The following ABCG5 variants were observed in gnomAD, a reference collection of about 807,000 sequenced individuals.
The protein encoded by ABCG5 is ATP-binding cassette sub-family G member 5.
Under a neutral mutation model 64.5 loss-of-function variants are expected in ABCG5, and 64 were observed. The ratio of observed to expected loss-of-function variants is 0.99; its 90% CI spans 0.81 to 1.22. The LOEUF (loss-of-function observed/expected upper bound fraction) is 1.22, where lower values mean the gene tolerates loss of function less well. ABCG5 is among the 50% of genes most tolerant of loss of function. The pLI is 0.00. For synonymous variants in ABCG5, 385 were observed against 326.3 expected, an observed-to-expected ratio of 1.18 and a Z score of -1.94; for missense variants, 908 against 829.5, an observed-to-expected ratio of 1.09 and a Z score of -1.16.
chr2:43,835,330 C>T (rs1254944342), intron 2 of ABCG5, among the ~76,000 whole-genome samples: 1 of 152,048 alleles, frequency 6.6e-6, no homozygotes, highest in Non-Finnish European at 1.5e-5. Context: ...AGAAGTGGGA[C>T]ACACTTCTGA....
intron 2 of ABCG5, among the ~76,000 whole-genome samples, chr2:43,836,198 C>T (rs1261857855): frequency 7.9e-5 from 12 of 152,090 alleles, no homozygotes; most frequent in African/African-American, 2.9e-4. Flanking sequence ...GCCTCTGCCT[C>T]CCAAAGTGCT....
chr2:43,829,020 C>G (rs1206938450), intron 4 of ABCG5, among the ~76,000 whole-genome samples: 1 of 151,920 alleles, frequency 6.6e-6, no homozygotes, highest in East Asian at 1.9e-4. Flanking sequence ...TTCCCTAGAA[C>G]ACAAACTGCT....
At chr2:43,825,042 A>G in intron 6 of ABCG5, 24 bp from the exon 7 acceptor site, 1 of 1,612,446 alleles carries the variant, frequency 6.2e-7, no homozygotes, top group South Asian at 1.1e-5. Context: ...AGACGTAGTT[A>G]GTGTGTGATC....
At chr2:43,827,521 C>A (rs1324831321) in intron 5 of ABCG5, among the ~76,000 whole-genome samples, 1 of 152,096 alleles carries the variant, frequency 6.6e-6, no homozygotes, top group East Asian at 1.9e-4. Flanking sequence ...CCAAACCTGG[C>A]AGAGGACTGA....
downstream of ABCG5, chr2:43,810,283 C>G (rs1666437318): frequency 2.4e-6 from 2 of 839,556 alleles, no homozygotes; most frequent in South Asian, 1.1e-4. Context: ...TAGAGTGTCG[C>G]CATCAGTGGT....
chr2:43,817,865 G>A (rs1666944130), intron 11 of ABCG5, among the ~76,000 whole-genome samples: 2 of 151,996 alleles, frequency 1.3e-5, no homozygotes, highest in Admixed American at 6.6e-5. Context: ...AGCCGAGATC[G>A]CGCCACTGCA....
the ABCG5 span, among the ~76,000 whole-genome samples, chr2:43,806,556 T>C: frequency 1.3e-5 from 2 of 152,200 alleles, no homozygotes; most frequent in African/African-American, 2.4e-5. Context: ...GTAACCCTTA[T>C]TATGTTTGCA....
At chr2:43,807,829 G>C (rs1407385322), downstream of ABCG5, among the ~76,000 whole-genome samples, 2 of 148,356 alleles carry the variant, frequency 1.3e-5, no homozygotes, top group East Asian at 3.9e-4. Context: ...GTTATCTTCG[G>C]AAAACTTTAC....
chr2:43,838,876 T>C (rs1021084428), upstream of ABCG5: 6 of 1,196,848 alleles, frequency 5.0e-6, no homozygotes, highest in African/African-American at 9.1e-5. This position sits in a 1 kb window ranked among gnomAD's most constrained non-coding sequence, Gnocchi z 4.2. Flanking sequence ...ATCTTGACAG[T>C]GGGCAGAACA....
At chr2:43,835,025 C>A (rs561376752) in intron 2 of ABCG5, among the ~76,000 whole-genome samples, 3 of 152,274 alleles carry the variant, frequency 2.0e-5, no homozygotes, top group Admixed American at 1.3e-4. Context: ...ATTAAGCACC[C>A]ACTACGTGAC....
intron 10 of ABCG5, 113 bp downstream of exon 10, chr2:43,822,684 A>C (rs1425894810): frequency 6.4e-7 from 1 of 1,573,284 alleles, no homozygotes; most frequent in Non-Finnish European, 8.6e-7. Context: ...TGATGGGCAA[A>C]GTGTAGATCC....
rs543434050 is a variant in ABCG5, at chr2:43,818,260, A to G, written c.1649+1655T>C. ...TGAGGTCGAGACTAGCCTGGCCAAC[A>G]TGGCGAAACCCCATCTCTACTAAAA... is the stretch of plus-strand genomic sequence containing the variant. On this transcript the variant is annotated intron_variant, in intron 11 of 12. Coordinates refer to ENST00000405322, the MANE Select transcript of ABCG5 (RefSeq NM_022436.3). Among the ~76,000 whole-genome samples, 231 of 152,216 alleles carry G rather than the reference A, an allele frequency of 1.5e-3. 1 individual carries two copies. The highest frequency in any genetic ancestry group is 5.2e-3 in the African/African-American group (218 of 41,536).
At chr2:43,810,364 C>G (rs970580079), downstream of ABCG5, 21 of 985,232 alleles carry the variant, frequency 2.1e-5, no homozygotes, top group Non-Finnish European at 2.5e-5. Context: ...TTTTAAATAC[C>G]ACTTTTTGAA....
upstream of ABCG5, chr2:43,839,084 C>T (rs1016895349): frequency 2.6e-6 from 4 of 1,551,260 alleles, no homozygotes; most frequent in Admixed American, 5.9e-5. Flanking sequence ...GGAGAGAGGG[C>T]TGCCGAAAGG....
At chr2:43,813,421 T>C (rs546689078) in intron 12 of ABCG5, 112 bp from the exon 13 acceptor site, 39 of 772,706 alleles carry the variant, frequency 5.0e-5, no homozygotes, top group Admixed American at 4.0e-4. Flanking sequence ...CAGGACACTT[T>C]AGCAAGCCCA....
intron 12 of ABCG5, 104 bp downstream of exon 12, chr2:43,814,368 AAATTG>A (rs1229249286): frequency 1.3e-6 from 1 of 750,242 alleles, no homozygotes; most frequent in Non-Finnish European, 2.3e-6. Context: ...ACAGAGTTTT[AAATTG>A]AATTATTATA....
At chr2:43,809,305 T>A (rs2104729072), downstream of ABCG5, among the ~76,000 whole-genome samples, 1 of 152,318 alleles carries the variant, frequency 6.6e-6, no homozygotes, top group Non-Finnish European at 1.5e-5. Context: ...GTATGTATTT[T>A]TTAAATATTT....
intron 11 of ABCG5, 50 bp downstream of exon 11, chr2:43,819,865 A>G (rs368511579): frequency 3.2e-4 from 507 of 1,585,524 alleles, no homozygotes; most frequent in Non-Finnish European, 4.2e-4. Context: ...TTAGGTGATC[A>G]TTAATAACAG....
intron 11 of ABCG5, among the ~76,000 whole-genome samples, chr2:43,817,578 A>G (rs1424061205): frequency 1.3e-5 from 2 of 152,108 alleles, no homozygotes; most frequent in African/African-American, 4.8e-5. Context: ...GGTTACTTCC[A>G]GATAAACCCA....
Sources: gnomAD v4.1 joint callset for allele counts (sites outside exome capture counted in the v4.1 genomes callset) on GRCh38, gnomAD v4.1.1 for gene constraint, Gnocchi (gnomAD v3.1) non-coding constraint, MANE v1.5 for transcripts, NCBI Gene and HGNC (gene_info 2026-07-23, HGNC 2026-07-21) for gene names.